The following AGBL1 variants were observed in gnomAD, a reference collection of about 807,000 sequenced individuals.
The protein encoded by AGBL1 is AGBL carboxypeptidase 1.
A neutral mutation model predicts 118.9 loss-of-function variants in AGBL1; 130 were observed. The observed-to-expected ratio is 1.09, with a 90% CI of 0.95 to 1.26. The LOEUF (loss-of-function observed/expected upper bound fraction) is 1.26. Among genes scored for constraint, AGBL1 ranks in the 50% most tolerant of loss-of-function variants. The probability of loss-of-function intolerance (pLI) is 0.00; values close to 1 mark genes in which losing one functional copy is unlikely to be tolerated. For synonymous variants in AGBL1, 555 were observed against 478.9 expected (o/e 1.16, Z -2.08); for missense variants, 1,584 against 1,298.1 (o/e 1.22, Z -3.38).
chr15:86,175,920 G>A (rs975953072), intron 5 of AGBL1, among the ~76,000 whole-genome samples: 8 of 152,138 alleles, frequency 5.3e-5, no homozygotes, highest in African/African-American at 1.9e-4. Context: ...GGTCTGTCCT[G>A]GGGAATGTTC....
intron 1 of AGBL1, among the ~76,000 whole-genome samples, chr15:86,141,446 T>C (rs2076962120): frequency 6.6e-6 from 1 of 152,302 alleles, no homozygotes; most frequent in South Asian, 2.1e-4. Flanking sequence ...GGTCAGGAGA[T>C]TGAGACCATC....
chr15:86,668,116 G>C (rs1473125706), intron 21 of AGBL1, among the ~76,000 whole-genome samples: 1 of 152,084 alleles, frequency 6.6e-6, no homozygotes, highest in Non-Finnish European at 1.5e-5. Flanking sequence ...CATGGGGAGG[G>C]CACCAAGCCA....
At chr15:86,302,778 C>CAAAAA (rs11345100) in intron 17 of AGBL1, among the ~76,000 whole-genome samples, 1 of 95,926 alleles carries the variant, frequency 1.0e-5, no homozygotes, top group Non-Finnish European at 2.0e-5. Context: ...GACCCTGTCT[C>CAAAAA]AAAAAAAAAA....
At chr15:87,012,852 T>A (rs2081575089) in intron 24 of AGBL1, among the ~76,000 whole-genome samples, 1 of 152,138 alleles carries the variant, frequency 6.6e-6, no homozygotes, top group Admixed American at 6.6e-5. Context: ...AGGGAGATGA[T>A]TGCCCTTGAG....
At chr15:86,267,121 G>C (rs747647152) in intron 13 of AGBL1, 45 bp downstream of exon 13, 11 of 1,418,210 alleles carry the variant, frequency 7.8e-6, no homozygotes, top group Non-Finnish European at 1.1e-5. Context: ...CAGTTCGTAA[G>C]AGCAAGCTGT....
chr15:86,998,889 T>A (rs1332040851), intron 24 of AGBL1, among the ~76,000 whole-genome samples: 1 of 151,144 alleles, frequency 6.6e-6, no homozygotes, highest in Non-Finnish European at 1.5e-5. Flanking sequence ...ATACTTTAAG[T>A]TCTAGGGTAC....
intron 23 of AGBL1, among the ~76,000 whole-genome samples, chr15:86,984,314 C>A (rs1207508169): frequency 1.3e-5 from 2 of 150,400 alleles, no homozygotes; most frequent in Admixed American, 1.3e-4. Context: ...TGTCTATTGA[C>A]ATATTTTGTC....
intron 21 of AGBL1, among the ~76,000 whole-genome samples, chr15:86,573,880 G>A (rs1208164708): frequency 2.6e-5 from 4 of 152,256 alleles, no homozygotes; most frequent in Admixed American, 2.6e-4. Flanking sequence ...TGTTCCAAAT[G>A]AAATTCTGGC....
At chr15:86,713,031 C>A (rs2086585016) in intron 22 of AGBL1, among the ~76,000 whole-genome samples, 1 of 152,180 alleles carries the variant, frequency 6.6e-6, no homozygotes, top group African/African-American at 2.4e-5. Context: ...GCTTGTGTGT[C>A]TGTTTCCCCA....
At chr15:86,454,743 A>G (rs2082239487) in intron 18 of AGBL1, among the ~76,000 whole-genome samples, 1 of 152,188 alleles carries the variant, frequency 6.6e-6, no homozygotes, top group East Asian at 1.9e-4. Flanking sequence ...GGGGCTATTG[A>G]CTGCAAAGGG....
intron 21 of AGBL1, among the ~76,000 whole-genome samples, chr15:86,644,453 A>G (rs1412682140): frequency 1.3e-5 from 2 of 152,300 alleles, no homozygotes; most frequent in Non-Finnish European, 2.9e-5. Flanking sequence ...TACAAACTTA[A>G]TAGGTCAGCT....
At chr15:86,187,414 T>C (rs921404744) in intron 5 of AGBL1, among the ~76,000 whole-genome samples, 3 of 152,196 alleles carry the variant, frequency 2.0e-5, no homozygotes, top group African/African-American at 7.2e-5. Flanking sequence ...ATTCCAGGAC[T>C]TGAAAGAAGA....
intron 22 of AGBL1, among the ~76,000 whole-genome samples, chr15:86,705,351 T>C (rs540746898): frequency 2.4e-4 from 36 of 152,236 alleles, no homozygotes; most frequent in African/African-American, 8.7e-4. Context: ...CAGTCTTGGG[T>C]ATGTCTTTAT....
intron 7 of AGBL1, among the ~76,000 whole-genome samples, chr15:86,256,433 C>T (rs942020088): frequency 2.0e-4 from 30 of 152,150 alleles, no homozygotes; most frequent in African/African-American, 6.3e-4. Context: ...GCAAAACTTC[C>T]ATCAATTCAG....
At chr15:86,838,085 C>T (rs1296630942) in intron 22 of AGBL1, among the ~76,000 whole-genome samples, 2 of 152,070 alleles carry the variant, frequency 1.3e-5, no homozygotes, top group Non-Finnish European at 1.5e-5. Context: ...ATTGAATTGG[C>T]TTTACCTCAA....
intron 22 of AGBL1, among the ~76,000 whole-genome samples, chr15:86,680,772 G>GGCCA (rs1376229339): frequency 6.6e-6 from 1 of 151,290 alleles, no homozygotes. Flanking sequence ...TCACCATGTT[G>GGCCA]GCCAGGTTGG....
chr15:86,637,048 C>G (rs901617098), intron 21 of AGBL1, among the ~76,000 whole-genome samples: 4 of 151,836 alleles, frequency 2.6e-5, no homozygotes, highest in African/African-American at 9.7e-5. Flanking sequence ...ACATAAAGAA[C>G]TGTGAAAATT....
intron 21 of AGBL1, chr15:86,630,615 T>G (rs2084948401): frequency 6.6e-6 from 1 of 152,280 alleles, no homozygotes; most frequent in Non-Finnish European, 1.5e-5. Context: ...TTGAGTTGTC[T>G]TAATTCCTTT....
intron 1 of AGBL1, among the ~76,000 whole-genome samples, chr15:86,141,301 C>G (rs115225992): frequency 1.7e-3 from 260 of 152,336 alleles, no homozygotes; most frequent in African/African-American, 6.0e-3. Flanking sequence ...TCTTGTCAGT[C>G]AGGGAAGTCT....
Sources: gnomAD v4.1 joint callset for allele counts (sites outside exome capture counted in the v4.1 genomes callset) on GRCh38, gnomAD v4.1.1 for gene constraint, MANE v1.5 for transcripts, NCBI Gene and HGNC (gene_info 2026-07-23, HGNC 2026-07-21) for gene names.